NF2: variants seen among roughly 807,000 people sequenced by gnomAD.
NF2 encodes the protein NF2, moesin-ezrin-radixin like (MERLIN) tumor suppressor.
NF2 carries 8 observed loss-of-function variants against 83.7 expected under a neutral mutation model. That is an observed-to-expected ratio of 0.10 (90% CI 0.06 to 0.17). The LOEUF is 0.17. Among genes scored for constraint, NF2 ranks in the 10% least tolerant of loss-of-function variants. NF2 has a pLI of 1.00. For missense variants in NF2, 533 were observed against 744.4 expected (o/e 0.72, Z 3.31); for synonymous variants, 266 against 269.6 (o/e 0.99, Z 0.13).
In NF2 at chr22:29,664,869, A is replaced by C. The variant is rs891582410; in HGVS notation, c.811-121A>C. On this transcript the variant is annotated intron_variant, in intron 8 of 15. Coordinates refer to ENST00000338641, the MANE Select transcript of NF2 (RefSeq NM_000268.4). ...TTTAGTGCCTGGATACTGGGAAGCC[A>C]GGACAAGGCATAACTTCATGCTGGT... The C allele has an allele frequency of 2.2e-4, 169 of 765,736 alleles. 1 individual carries two copies. The highest frequency in any genetic ancestry group is 9.8e-5 in the Non-Finnish European group (42 of 429,782). The allele number at this position is 765,736 out of a possible 1,614,324, so 47.4% of individuals were successfully genotyped here.
At chr22:29,616,945 T>C (rs997498567) in intron 1 of NF2, among the ~76,000 whole-genome samples, 1 of 151,874 alleles carries the variant, frequency 6.6e-6, no homozygotes, top group Admixed American at 6.6e-5. Flanking sequence ...GTTTTTTTTT[T>C]TGAGACGGAG....
At chr22:29,634,041 T>C (rs2065584258) in intron 1 of NF2, among the ~76,000 whole-genome samples, 1 of 152,200 alleles carries the variant, frequency 6.6e-6, no homozygotes, top group African/African-American at 2.4e-5. Context: ...TGGGGAGTGC[T>C]GGACAGCAAG....
In NF2 at chr22:29,604,105, A is replaced by G. The variant is rs372279458; in HGVS notation, c.107A>G (p.Asn36Ser). ...IVTMDAEMEF[N>S]CEMKWKGKDL... ...ACCATGGACGCCGAGATGGAGTTCA[A>G]TTGCGAGGTAACCGGCCGGCAGCCC... Residue 36 changes from asparagine to serine, a missense_variant, in exon 1 of 16, where the codon AAT becomes AGT. Asn to Ser is a conservative substitution (Grantham distance 46). Transcript: ENST00000338641. The G allele has an allele frequency of 4.9e-5, 78 of 1,603,310 alleles. 2 individuals are homozygous for G. Among genetic ancestry groups the G allele is most frequent in the Admixed American group, 2.4e-4 (14 of 58,326 alleles).
chr22:29,638,750 T>C (rs2065718352), intron 2 of NF2, among the ~76,000 whole-genome samples: 1 of 152,212 alleles, frequency 6.6e-6, no homozygotes, highest in South Asian at 2.1e-4. Context: ...TTAAAAAACC[T>C]TCCACCTACC....
In NF2 at chr22:29,692,681, G is replaced by T. The variant is rs558235088; in HGVS notation, c.1738-2071G>T. Among the ~76,000 whole-genome samples the T allele has an allele frequency of 6.6e-5, 10 of 152,340 alleles. No individual in the cohort carries two copies. The South Asian group carries it at 2.1e-3, about 32-fold the overall frequency. On this transcript the variant is annotated intron_variant, in intron 15 of 15. Transcript: ENST00000338641. ...GGAGGCCAGTGCCATACGTGACCTTGTTGTTGCCTGCACCCCTTCCTAACG... is the reference window on the plus strand; with the variant it reads ...GGAGGCCAGTGCCATACGTGACCTTTTTGTTGCCTGCACCCCTTCCTAACG...
chr22:29,641,637 T>G (rs1289920152), intron 3 of NF2, among the ~76,000 whole-genome samples: 2 of 152,242 alleles, frequency 1.3e-5, no homozygotes, highest in African/African-American at 4.8e-5. Flanking sequence ...TGAAATATGT[T>G]AATTCAACAT....
chr22:29,673,992 C>T (rs1203594933), intron 12 of NF2, among the ~76,000 whole-genome samples: 1 of 152,160 alleles, frequency 6.6e-6, no homozygotes, highest in Non-Finnish European at 1.5e-5. Flanking sequence ...GGATGTCCCA[C>T]TCATGGCCAG....
chr22:29,683,667 T>C, intron 15 of NF2: 1 of 1,078,106 alleles, frequency 9.3e-7, no homozygotes, highest in Non-Finnish European at 1.1e-6. Context: ...GAGTGGACTG[T>C]CTGTTCATCT....
intron 1 of NF2, among the ~76,000 whole-genome samples, chr22:29,621,114 A>G (rs2065208423): frequency 6.6e-6 from 1 of 152,244 alleles, no homozygotes; most frequent in Non-Finnish European, 1.5e-5. Context: ...AATATCGACC[A>G]GTAAAGCCTG....
intron 1 of NF2, among the ~76,000 whole-genome samples, chr22:29,634,646 G>C (rs979949272): frequency 6.6e-6 from 1 of 152,134 alleles, no homozygotes; most frequent in African/African-American, 2.4e-5. Context: ...GTTAATGCCT[G>C]TTCTTTAATG....
chr22:29,691,380 C>T (rs2067399404), intron 15 of NF2, among the ~76,000 whole-genome samples: 1 of 152,352 alleles, frequency 6.6e-6, no homozygotes, highest in Non-Finnish European at 1.5e-5. Context: ...TCTTCTGGCT[C>T]TAGCAAGCAG....
intron 1 of NF2, among the ~76,000 whole-genome samples, chr22:29,631,220 A>G (rs557814747): frequency 1.3e-5 from 2 of 152,310 alleles, no homozygotes; most frequent in South Asian, 4.1e-4. Flanking sequence ...TTCACTTTGC[A>G]ACAGCTTGGA....
At chr22:29,625,686 A>G (rs2065348588) in intron 1 of NF2, among the ~76,000 whole-genome samples, 1 of 152,232 alleles carries the variant, frequency 6.6e-6, no homozygotes. Context: ...CTTCAGGGAA[A>G]AATTTTTAAT....
rs1488045243 is a variant in NF2 at position 29,644,724 on chromosome 22, G to A, written c.447+2439G>A. On this transcript the variant is annotated intron_variant, in intron 4 of 15. Transcript: ENST00000338641. Reference sequence around the variant, plus strand: ...ACTCGCGGTTAGGAGCTGGAGACCGGCCCGGCCAACACAGCGAAACCCCGT... The same window carrying A: ...ACTCGCGGTTAGGAGCTGGAGACCGACCCGGCCAACACAGCGAAACCCCGT... Among the ~76,000 whole-genome samples, 5 of 152,370 alleles carry A rather than the reference G, an allele frequency of 3.3e-5. No homozygotes were observed. The East Asian group carries it at 9.6e-4, about 29-fold the overall frequency.
intron 8 of NF2, 96 bp from the exon 9 acceptor site, chr22:29,664,894 T>C (rs547588041): frequency 3.5e-6 from 3 of 850,772 alleles, no homozygotes; most frequent in Non-Finnish European, 6.0e-6. Flanking sequence ...TTCATGCTGG[T>C]CTGTGGCCAG....
At chr22:29,620,923 C>T (rs1322974608) in intron 1 of NF2, among the ~76,000 whole-genome samples, 1 of 152,170 alleles carries the variant, frequency 6.6e-6, no homozygotes, top group Non-Finnish European at 1.5e-5. Flanking sequence ...TCAAGGACTA[C>T]TTTGGACCTA....
Position 29,697,980 on chromosome 22 carries a change from C to G in NF2, c.*3178C>G. ...GGTGGTTTCATTACGAGCCCTTCTGCTGGCTCTCAGGCAGAAGCCCCACAG... is the reference window on the plus strand; with the variant it reads ...GGTGGTTTCATTACGAGCCCTTCTGGTGGCTCTCAGGCAGAAGCCCCACAG... On this transcript the variant is annotated 3_prime_UTR_variant, in exon 16 of 16. Transcript: ENST00000338641. 4.4e-6 allele frequency: 1 copy of G among 227,444 alleles called. No homozygotes were observed. Among genetic ancestry groups the G allele is most frequent in the East Asian group, 6.2e-5 (1 of 16,086 alleles). The allele number at this position is 227,444 out of a possible 1,614,324, so 14.1% of individuals were successfully genotyped here. A position where few individuals can be genotyped will look rare whatever the true frequency, so the allele number is the denominator to read the frequency against.
intron 1 of NF2, among the ~76,000 whole-genome samples, chr22:29,634,512 C>A (rs918159293): frequency 6.6e-6 from 1 of 152,210 alleles, no homozygotes; most frequent in Non-Finnish European, 1.5e-5. Context: ...TTTCTCTGCA[C>A]TGCACACCCC....
At chr22:29,649,155 A>C (rs2066069577) in intron 4 of NF2, among the ~76,000 whole-genome samples, 1 of 152,096 alleles carries the variant, frequency 6.6e-6, no homozygotes, top group African/African-American at 2.4e-5. Flanking sequence ...CAAAAAAAAA[A>C]GCCAGACACA....
Sources: allele counts gnomAD v4.1 joint callset (sites outside exome capture counted in the v4.1 genomes callset), GRCh38; gene constraint gnomAD v4.1.1; transcripts MANE v1.5; gene names NCBI Gene and HGNC (gene_info 2026-07-23, HGNC 2026-07-21).